The following INPP4B variants were observed in gnomAD, a reference collection of about 807,000 sequenced individuals.
INPP4B encodes the protein inositol polyphosphate 4-phosphatase type II.
Under a neutral mutation model 122.5 loss-of-function variants are expected in INPP4B, and 55 were observed. The observed-to-expected ratio is 0.45, with a 90% confidence interval of 0.36 to 0.56. The LOEUF (loss-of-function observed/expected upper bound fraction) is 0.56, where lower values mean the gene tolerates loss of function less well. INPP4B is among the 20% of genes least tolerant of loss of function. The pLI is 0.00. For synonymous variants in INPP4B, 403 were observed against 388.7 expected (o/e 1.04, Z -0.43); for missense variants, 1,000 against 1,097.7 (o/e 0.91, Z 1.26).
intron 16 of INPP4B, among the ~76,000 whole-genome samples, chr4:142,171,978 ACC>A (rs1825841604): frequency 6.6e-6 from 1 of 151,904 alleles, no homozygotes; most frequent in Non-Finnish European, 1.5e-5. Context: ...GCTTAGGTGA[ACC>A]CAGAAAAACC....
At chr4:142,251,721 A>G (rs1394799325) in intron 11 of INPP4B, among the ~76,000 whole-genome samples, 1 of 152,178 alleles carries the variant, frequency 6.6e-6, no homozygotes. Flanking sequence ...ATTAAATTGT[A>G]TTTTGTTTAT....
intron 2 of INPP4B, among the ~76,000 whole-genome samples, chr4:142,717,580 G>C (rs549065799): frequency 6.6e-6 from 1 of 152,234 alleles, no homozygotes; most frequent in Admixed American, 6.5e-5. Flanking sequence ...ATTAGTTCTT[G>C]TCCTTTGCAG....
intron 25 of INPP4B, among the ~76,000 whole-genome samples, chr4:142,077,514 T>C (rs1771452984): frequency 6.6e-6 from 1 of 152,084 alleles, no homozygotes; most frequent in African/African-American, 2.4e-5. Context: ...TTTATTATTG[T>C]ATTTTTAAGG....
intron 3 of INPP4B, among the ~76,000 whole-genome samples, chr4:142,460,314 T>C (rs1329412560): frequency 3.3e-5 from 5 of 152,142 alleles, no homozygotes; most frequent in African/African-American, 9.7e-5. Flanking sequence ...AAAAATATAA[T>C]CGCTGAAAAC....
chr4:142,806,071 A>G (rs1281583405), intron 1 of INPP4B, among the ~76,000 whole-genome samples: 3 of 151,934 alleles, frequency 2.0e-5, no homozygotes, highest in African/African-American at 7.2e-5. Context: ...CGAGGTCAGG[A>G]GATTGAGACC....
At chr4:142,144,252 C>T (rs1483794222) in intron 18 of INPP4B, among the ~76,000 whole-genome samples, 2 of 151,386 alleles carry the variant, frequency 1.3e-5, no homozygotes, top group Non-Finnish European at 3.0e-5. Flanking sequence ...CACACACACA[C>T]ACACACACAC....
At chr4:142,500,979 T>C (rs1217451295) in intron 2 of INPP4B, among the ~76,000 whole-genome samples, 1 of 152,202 alleles carries the variant, frequency 6.6e-6, no homozygotes, top group Non-Finnish European at 1.5e-5. Flanking sequence ...TGGTTAACAA[T>C]ACTATATTGT....
rs1740333182 is a variant in INPP4B, at chr4:142,602,816, C to A, written c.-191+123023G>T. Among the ~76,000 whole-genome samples the A allele has an allele frequency of 2.6e-5, 4 of 152,200 alleles. No homozygotes were observed. The South Asian group carries it at 8.3e-4, about 32-fold the overall frequency. On this transcript the variant is annotated intron_variant, in intron 2 of 25. Transcript: ENST00000262992. ...AGAGAGTGTGGTGACTCCTCAAAGA[C>A]CTAGAGGCAGAAAGATCATTTGACC...
At chr4:142,770,829 G>A (rs1468850905) in intron 1 of INPP4B, among the ~76,000 whole-genome samples, 1 of 152,112 alleles carries the variant, frequency 6.6e-6, no homozygotes, top group African/African-American at 2.4e-5. Context: ...AAAAGGCTGT[G>A]ATGTGCATAG....
intron 25 of INPP4B, among the ~76,000 whole-genome samples, chr4:142,062,508 G>C (rs1444741439): frequency 2.6e-5 from 4 of 152,122 alleles, no homozygotes; most frequent in Non-Finnish European, 5.9e-5. Context: ...GGCTGAGGCG[G>C]GTGGATCACC....
intron 17 of INPP4B, among the ~76,000 whole-genome samples, chr4:142,151,618 A>G (rs1813962327): frequency 6.6e-6 from 1 of 152,172 alleles, no homozygotes; most frequent in Admixed American, 6.5e-5. Flanking sequence ...TCTATCTATG[A>G]GTGCCACATT....
chr4:142,342,524 C>T (rs914905311), intron 7 of INPP4B, among the ~76,000 whole-genome samples: 1 of 152,098 alleles, frequency 6.6e-6, no homozygotes, highest in African/African-American at 2.4e-5. Flanking sequence ...CTTAGCAGCA[C>T]TTTATGTTGA....
At chr4:142,539,886 T>A (rs902482139) in intron 2 of INPP4B, among the ~76,000 whole-genome samples, 56 of 151,958 alleles carry the variant, frequency 3.7e-4, no homozygotes, top group African/African-American at 1.3e-3. Context: ...GGGAAAAAAA[T>A]TACTAAGTTT....
intron 1 of INPP4B, among the ~76,000 whole-genome samples, chr4:142,786,440 T>G (rs1775775808): frequency 6.6e-6 from 1 of 152,096 alleles, no homozygotes. Context: ...AATGACTTAA[T>G]AAATTAATAA....
chr4:142,356,823 G>A (rs1783766558), intron 7 of INPP4B, among the ~76,000 whole-genome samples: 1 of 151,880 alleles, frequency 6.6e-6, no homozygotes, highest in African/African-American at 2.4e-5. Context: ...GAAGACCAAG[G>A]CATGGTTACA....
chr4:142,783,924 T>C (rs1431298869), intron 1 of INPP4B, among the ~76,000 whole-genome samples: 1 of 152,094 alleles, frequency 6.6e-6, no homozygotes, highest in Non-Finnish European at 1.5e-5. Flanking sequence ...AAGAATGAGA[T>C]AAATTAGTTT....
intron 10 of INPP4B, among the ~76,000 whole-genome samples, chr4:142,269,299 T>C (rs200233514): frequency 1.9e-5 from 1 of 51,316 alleles, no homozygotes; most frequent in Admixed American, 2.1e-4. Context: ...CCCTCCCCCC[T>C]CTTTTTTCCT....
chr4:142,402,276 A>C (rs1236306338), intron 7 of INPP4B, among the ~76,000 whole-genome samples: 1 of 152,114 alleles, frequency 6.6e-6, no homozygotes, highest in Non-Finnish European at 1.5e-5. Context: ...TCCCCTTTTC[A>C]TTACCTCCCC....
intron 3 of INPP4B, among the ~76,000 whole-genome samples, chr4:142,461,125 C>T (rs1816650891): frequency 6.6e-6 from 1 of 152,100 alleles, no homozygotes; most frequent in Non-Finnish European, 1.5e-5. Context: ...TGACCCATGA[C>T]TGCGCCACTG....
Sources: allele counts gnomAD v4.1 joint callset (sites outside exome capture counted in the v4.1 genomes callset), GRCh38; gene constraint gnomAD v4.1.1; transcripts MANE v1.5; gene names NCBI Gene and HGNC (gene_info 2026-07-23, HGNC 2026-07-21).